LANCL3: variants seen among roughly 807,000 people sequenced by gnomAD.
LANCL3 encodes the protein lanC-like protein 3.
LANCL3 carries 19 observed loss-of-function variants against 26.5 expected under a neutral mutation model. That is an observed-to-expected ratio of 0.72 (90% CI 0.50 to 1.05). The LOEUF is 1.05. LANCL3 is among the 50% of genes least tolerant of loss of function. The pLI is 0.00. For missense variants in LANCL3, 318 were observed against 362.7 expected (o/e 0.88, Z 1.00); for synonymous variants, 160 against 166.6 (o/e 0.96, Z 0.30).
rs781794663 is a variant in LANCL3 at position 37,611,271 on chromosome X, C to A, written c.573+38828C>A. Among the ~76,000 whole-genome samples the A allele has an allele frequency of 2.3e-4, 26 of 111,750 alleles. No individual in the cohort carries two copies. The East Asian group carries it at 5.6e-3, about 24-fold the overall frequency. The stretch of plus-strand genomic sequence containing the variant: ...CTTTCATATGATGCTTCTGGGCAGA[C>A]CAAAACAGAAAGCAGAGTGCTGATT... On this transcript the variant is annotated intron_variant, in intron 1 of 4. Transcript: ENST00000378619.
In LANCL3 at chrX:37,610,336, C is replaced by T. The variant is rs145113833; in HGVS notation, c.573+37893C>T. ...CATTTCATGACCTAGCCTTGGATAT[C>T]ATAAAATGTCAGATAATCACACAGC... On this transcript the variant is annotated intron_variant, in intron 1 of 4. Transcript: ENST00000378619. Among the ~76,000 whole-genome samples the T allele has an allele frequency of 2.0e-3, 227 of 111,925 alleles. 2 individuals carry two copies. The highest frequency in any genetic ancestry group is 6.8e-3 in the African/African-American group (211 of 30,816).
chrX:37,597,708 G>T (rs949371452), intron 1 of LANCL3, among the ~76,000 whole-genome samples: 2 of 93,982 alleles, frequency 2.1e-5, no homozygotes, highest in African/African-American at 8.1e-5. Context: ...TAGAGGCAGG[G>T]TTCTCGCTAT....
At chrX:37,638,075 A>G (rs1192516729) in intron 1 of LANCL3, among the ~76,000 whole-genome samples, 1 of 111,693 alleles carries the variant, frequency 9.0e-6, no homozygotes, top group Non-Finnish European at 1.9e-5. Context: ...AAAGAAAGAG[A>G]GAGATAATAT....
chrX:37,622,871 G>A (rs1157180030), intron 1 of LANCL3, among the ~76,000 whole-genome samples: 3 of 111,949 alleles, frequency 2.7e-5, no homozygotes, highest in Admixed American at 9.5e-5. Context: ...CCTTACAACT[G>A]TACATTCCCA....
chrX:37,586,535 A>G (rs1488574037), intron 1 of LANCL3, among the ~76,000 whole-genome samples: 8 of 111,094 alleles, frequency 7.2e-5, no homozygotes, highest in Admixed American at 1.9e-4. Flanking sequence ...TTCTCGCTTT[A>G]TTGCATTCAT....
intron 1 of LANCL3, among the ~76,000 whole-genome samples, chrX:37,613,742 C>A (rs782746576): frequency 8.9e-6 from 1 of 112,445 alleles, no homozygotes; most frequent in South Asian, 3.7e-4. Flanking sequence ...ATATTCATTG[C>A]ATTTACTGCA....
At chrX:37,640,029 T>A (rs1435236912) in intron 1 of LANCL3, among the ~76,000 whole-genome samples, 1 of 112,140 alleles carries the variant, frequency 8.9e-6, no homozygotes, top group African/African-American at 3.2e-5. Context: ...CACTTAATAT[T>A]GATTACTTTA....
At chrX:37,649,408 AAC>A (rs1926072205) in intron 1 of LANCL3, among the ~76,000 whole-genome samples, 1 of 110,539 alleles carries the variant, frequency 9.0e-6, no homozygotes, top group Non-Finnish European at 1.9e-5. Flanking sequence ...GAACAATGAG[AAC>A]ACATGGACAC....
chrX:37,583,762 A>T (rs1923972829), intron 1 of LANCL3, among the ~76,000 whole-genome samples: 1 of 112,222 alleles, frequency 8.9e-6, no homozygotes, highest in Non-Finnish European at 1.9e-5. Context: ...GTCATCTGCA[A>T]GCAGGGACAA....
chrX:37,586,601 C>G lies in LANCL3; in HGVS notation c.573+14158C>G, dbSNP rs188596986. Among the ~76,000 whole-genome samples the G allele has an allele frequency of 2.4e-3, 274 of 112,208 alleles. 2 individuals are homozygous for G. The highest frequency in any genetic ancestry group is 8.2e-3 in the African/African-American group (253 of 30,920). On this transcript the variant is annotated intron_variant, in intron 1 of 4. Coordinates refer to ENST00000378619, the MANE Select transcript of LANCL3 (RefSeq NM_001170331.2). Reference sequence around the variant, plus strand: ...CCGTTGATCAAATTGGCTACTGAAGCTTGTGCATTCGTCACGTAGTTCTCG... The same window carrying G: ...CCGTTGATCAAATTGGCTACTGAAGGTTGTGCATTCGTCACGTAGTTCTCG...
intron 1 of LANCL3, among the ~76,000 whole-genome samples, chrX:37,632,832 T>G (rs1474384714): frequency 2.7e-5 from 3 of 110,914 alleles, no homozygotes; most frequent in African/African-American, 9.8e-5. Flanking sequence ...AGCTGTTAGT[T>G]TGATGGGCTT....
rs1193764212 is a variant in LANCL3, at chrX:37,679,221, A to G, written c.*3408A>G. On this transcript the variant is annotated 3_prime_UTR_variant, in exon 5 of 5. Coordinates refer to ENST00000378619, the MANE Select transcript of LANCL3 (RefSeq NM_001170331.2). ...AAAGGGATGTTATATTTTACCCACT[A>G]TATACATAGAAAAATCATGCCCAGT... 2 of 112,212 alleles carry G rather than the reference A, an allele frequency of 1.8e-5. No homozygotes were observed. The highest frequency in any genetic ancestry group is 3.2e-5 in the African/African-American group (1 of 30,925). 9.2% of individuals were successfully genotyped at this position (112,212 alleles called of 1,213,427 possible).
rs1926906767 is a variant in LANCL3, at chrX:37,680,352, T to A, written c.*4539T>A. The A allele has an allele frequency of 8.9e-6, 1 of 112,484 alleles. No individual in the cohort carries two copies. The highest frequency in any genetic ancestry group is 3.2e-5 in the African/African-American group (1 of 30,970). 9.3% of individuals were successfully genotyped at this position (112,484 alleles called of 1,213,427 possible). ...CTCATACTGGAGGTGTGATCTCTCT[T>A]CTTGTTTCTTTAATTGAAAGTACCA... On this transcript the variant is annotated 3_prime_UTR_variant, in exon 5 of 5. Transcript: ENST00000378619.
chrX:37,624,481 T>C (rs1395297494), intron 1 of LANCL3, among the ~76,000 whole-genome samples: 2 of 112,019 alleles, frequency 1.8e-5, no homozygotes, highest in Non-Finnish European at 3.8e-5. Flanking sequence ...ATATATAAAA[T>C]CATTCCTCTG....
chrX:37,672,403 G>T (rs781917507), intron 4 of LANCL3, among the ~76,000 whole-genome samples: 1 of 112,046 alleles, frequency 8.9e-6, no homozygotes, highest in African/African-American at 3.2e-5. Flanking sequence ...TCTCTGAAAC[G>T]GAATGTGTAG....
intron 1 of LANCL3, among the ~76,000 whole-genome samples, chrX:37,584,846 G>A (rs1356783728): frequency 4.5e-5 from 5 of 111,310 alleles, no homozygotes; most frequent in Admixed American, 3.8e-4. Context: ...TAGTTTTTGA[G>A]TGTGTTTCCT....
chrX:37,643,162 C>A (rs1556426109), intron 1 of LANCL3, among the ~76,000 whole-genome samples: 1 of 111,936 alleles, frequency 8.9e-6, no homozygotes, highest in Admixed American at 9.5e-5. Context: ...TGCCAGGAAG[C>A]TACAAAGTGT....
At chrX:37,590,164 C>A (rs1247332432) in intron 1 of LANCL3, among the ~76,000 whole-genome samples, 1 of 112,415 alleles carries the variant, frequency 8.9e-6, no homozygotes, top group Non-Finnish European at 1.9e-5. Context: ...CTGTTCCCCA[C>A]TCCAACCCCC....
chrX:37,575,982 G>A (rs5917345), intron 1 of LANCL3, among the ~76,000 whole-genome samples: 2 of 111,884 alleles, frequency 1.8e-5, no homozygotes, highest in East Asian at 2.8e-4. Context: ...TTTTAAAATC[G>A]TCAAAATATG....
Sources: gnomAD v4.1 joint callset for allele counts (sites outside exome capture counted in the v4.1 genomes callset) on GRCh38, gnomAD v4.1.1 for gene constraint, MANE v1.5 for transcripts, NCBI Gene and HGNC (gene_info 2026-07-23, HGNC 2026-07-21) for gene names.